BDNF: variants seen among roughly 807,000 people sequenced by gnomAD.
BDNF encodes the protein neurotrophic factor BDNF precursor form.
BDNF carries 1 observed loss-of-function variant against 19.5 expected under a neutral mutation model. The observed-to-expected ratio is 0.05, with a 90% CI of 0.02 to 0.24. The LOEUF (loss-of-function observed/expected upper bound fraction) is 0.24, where lower values mean the gene tolerates loss of function less well. Among genes scored for constraint, BDNF ranks in the 10% least tolerant of loss-of-function variants. The probability of loss-of-function intolerance (pLI) is 1.00; values close to 1 mark genes in which losing one functional copy is unlikely to be tolerated. For missense variants in BDNF, 195 were observed against 317.6 expected (o/e 0.61, Z 2.93); for synonymous variants, 100 against 121.6 (o/e 0.82, Z 1.17).
chr11:27,673,365 G>A (rs980517670), intron 1 of BDNF, among the ~76,000 whole-genome samples: 1 of 152,072 alleles, frequency 6.6e-6, no homozygotes, highest in African/African-American at 2.4e-5. Flanking sequence ...AAAGATGTTG[G>A]CATTATGTGG....
At chr11:27,710,839 C>G (rs576820390) in intron 1 of BDNF, among the ~76,000 whole-genome samples, 1 of 152,326 alleles carries the variant, frequency 6.6e-6, no homozygotes, top group East Asian at 1.9e-4. Flanking sequence ...CAATAACTCT[C>G]AGAAGTCAAC....
At chr11:27,698,732 A>G (rs1276963269) in intron 1 of BDNF, among the ~76,000 whole-genome samples, 1 of 152,198 alleles carries the variant, frequency 6.6e-6, no homozygotes, top group Non-Finnish European at 1.5e-5. Flanking sequence ...AAAGATTACT[A>G]GGAGGATTAA....
At chr11:27,701,031 G>C, upstream of BDNF, 1 of 1,359,416 alleles carries the variant, frequency 7.4e-7, no homozygotes, top group Non-Finnish European at 9.8e-7. Context: ...AAATCGCACA[G>C]AGCATGGGGG....
intron 1 of BDNF, among the ~76,000 whole-genome samples, chr11:27,711,156 G>C (rs1042945329): frequency 6.6e-6 from 1 of 152,164 alleles, no homozygotes; most frequent in African/African-American, 2.4e-5. Flanking sequence ...ATTTAAGATA[G>C]TTAATTAATT....
chr11:27,702,999 T>C (rs1353358006), upstream of BDNF, among the ~76,000 whole-genome samples: 1 of 152,234 alleles, frequency 6.6e-6, no homozygotes, highest in Non-Finnish European at 1.5e-5. Context: ...GTCAAATTAT[T>C]CAAATATATG....
chr11:27,718,595 G>A (rs892980076), intron 1 of BDNF, among the ~76,000 whole-genome samples: 2 of 122,698 alleles, frequency 1.6e-5, no homozygotes, highest in African/African-American at 3.1e-5. Flanking sequence ...CTCCCTTCGC[G>A]TAGATCTGAC....
At chr11:27,674,122 C>T (rs1294059710) in intron 1 of BDNF, 1 of 1,611,924 alleles carries the variant, frequency 6.2e-7, no homozygotes, top group African/African-American at 1.3e-5. Context: ...AGGTACACAG[C>T]ACAGCCCTTC....
intron 1 of BDNF, among the ~76,000 whole-genome samples, chr11:27,670,992 TA>T (rs1310432920): frequency 6.6e-6 from 1 of 152,038 alleles, no homozygotes; most frequent in Non-Finnish European, 1.5e-5. Flanking sequence ...CAATAGCAAA[TA>T]CTTGGAGCCA....
chr11:27,659,686 C>T (rs1321483943), intron 1 of BDNF: 2 of 997,318 alleles, frequency 2.0e-6, no homozygotes, highest in Non-Finnish European at 2.4e-6. Flanking sequence ...GTTTATCCTA[C>T]TTTTAAAAAG....
At chr11:27,720,704 C>T (rs893948291) in intron 1 of BDNF, 8 of 985,980 alleles carry the variant, frequency 8.1e-6, no homozygotes, top group Non-Finnish European at 9.6e-6. Flanking sequence ...GAATGGACTC[C>T]TATCGCCCGG....
At chr11:27,709,523 G>T (rs1860244101) in intron 1 of BDNF, among the ~76,000 whole-genome samples, 1 of 152,076 alleles carries the variant, frequency 6.6e-6, no homozygotes, top group Non-Finnish European at 1.5e-5. Flanking sequence ...CTAAAATCTT[G>T]CACAAACTGT....
chr11:27,719,617 C>G lies in BDNF; in HGVS notation c.3+1795G>C, dbSNP rs577635596. 14 of 982,890 alleles carry G rather than the reference C, an allele frequency of 1.4e-5. No homozygotes were observed. In the African/African-American group the frequency reaches 2.5e-4, roughly 17 times the overall value. 60.9% of individuals were successfully genotyped at this position (982,890 alleles called of 1,614,324 possible). ...CCTCTAAGCCAGCGCCCGAAACTCG[C>G]GGGGAGGGAGGACAGAAGGGAAAAA... is the stretch of plus-strand genomic sequence containing the variant. On this transcript the variant is annotated intron_variant, in intron 1 of 1. Transcript: ENST00000314915.
intron 1 of BDNF, among the ~76,000 whole-genome samples, chr11:27,698,746 ACACT>A (rs1260441849): frequency 1.3e-5 from 2 of 152,140 alleles, no homozygotes; most frequent in Non-Finnish European, 2.9e-5. Context: ...GGATTAATAA[ACACT>A]CAGAAATATG....
At chr11:27,685,759 A>C (rs762283002) in intron 1 of BDNF, among the ~76,000 whole-genome samples, 19 of 151,766 alleles carry the variant, frequency 1.3e-4, no homozygotes, top group Non-Finnish European at 2.6e-4. Context: ...CTTTGGTCTG[A>C]GAGACTGTTT....
chr11:27,699,492 G>C, intron 1 of BDNF: 1 of 1,613,762 alleles, frequency 6.2e-7, no homozygotes, highest in Non-Finnish European at 8.5e-7. Flanking sequence ...CCTGGAGGGC[G>C]CTTCAGAAGA....
At chr11:27,683,136 G>C (rs1857051332) in intron 1 of BDNF, among the ~76,000 whole-genome samples, 1 of 152,144 alleles carries the variant, frequency 6.6e-6, no homozygotes, top group South Asian at 2.1e-4. Flanking sequence ...CTGTGGTTTT[G>C]ATTTGCATTT....
intron 1 of BDNF, among the ~76,000 whole-genome samples, chr11:27,694,432 C>G (rs995375334): frequency 2.0e-5 from 3 of 152,188 alleles, no homozygotes; most frequent in African/African-American, 2.4e-5. Context: ...AGCCATTAAT[C>G]AATCTATTAG....
intron 1 of BDNF, among the ~76,000 whole-genome samples, chr11:27,687,583 A>G (rs567173185): frequency 6.6e-6 from 1 of 152,258 alleles, no homozygotes; most frequent in Admixed American, 6.5e-5. Flanking sequence ...CGACCTTTGT[A>G]CGGGGTTTTC....
At position 27,697,145 on chromosome 11, in the gene BDNF, A is replaced by G. The variant is rs1010064421; in HGVS notation, c.-22+3019T>C. 6.0e-3 allele frequency among the ~76,000 whole-genome samples: 586 copies of G among 97,548 alleles called. 5 individuals carry two copies. Among genetic ancestry groups the G allele is most frequent in the South Asian group, 0.02 (65 of 3,306 alleles). The allele number at this position is 97,548 out of a possible 152,430, so 64.0% of individuals were successfully genotyped here. ...TCTACACACACGCGCACGTGCACGC[A>G]CACACACACACACACACACAGAGAG... is the stretch of plus-strand genomic sequence containing the variant. On this transcript the variant is annotated intron_variant, in intron 1 of 1. Transcript: ENST00000356660.
Sources: allele counts gnomAD v4.1 joint callset (sites outside exome capture counted in the v4.1 genomes callset), GRCh38; gene constraint gnomAD v4.1.1; transcripts MANE v1.5; gene names NCBI Gene and HGNC (gene_info 2026-07-23, HGNC 2026-07-21).